The following FHOD3 variants were observed in gnomAD, a reference collection of about 807,000 sequenced individuals.
FHOD3 encodes FH1/FH2 domain-containing protein 3.
In FHOD3, 90 loss-of-function variants were observed where a neutral mutation model predicts 173.0. That is an observed-to-expected ratio of 0.52 (90% CI 0.44 to 0.62). FHOD3 has a LOEUF of 0.62. Among genes scored for constraint, FHOD3 ranks in the 20% least tolerant of loss-of-function variants. The probability of loss-of-function intolerance (pLI) is 0.00; values close to 1 mark genes in which losing one functional copy is unlikely to be tolerated. For synonymous variants in FHOD3, 828 were observed against 823.0 expected (o/e 1.01, Z -0.10); for missense variants, 1,945 against 2,034.7 (o/e 0.96, Z 0.85).
chr18:36,325,496 A>T (rs971383747), intron 1 of FHOD3, among the ~76,000 whole-genome samples: 1 of 152,188 alleles, frequency 6.6e-6, no homozygotes, highest in Non-Finnish European at 1.5e-5. Flanking sequence ...GAGTGCAGCG[A>T]GTGCTTTAGC....
intron 3 of FHOD3, among the ~76,000 whole-genome samples, chr18:36,464,932 GAC>G (rs545970619): frequency 5.3e-5 from 8 of 151,248 alleles, no homozygotes; most frequent in East Asian, 1.9e-4. Context: ...CTTTTTCTGT[GAC>G]ACACACACAC....
intron 24 of FHOD3, among the ~76,000 whole-genome samples, chr18:36,749,311 T>A (rs2042300896): frequency 1.3e-5 from 2 of 152,210 alleles, no homozygotes; most frequent in Admixed American, 6.5e-5. Context: ...GATAGTTATC[T>A]TTTCTGCTCC....
intron 5 of FHOD3, among the ~76,000 whole-genome samples, chr18:36,556,035 GACTAATGATATGGTTAGGTTTAA>G (rs1486666540): frequency 6.6e-6 from 1 of 151,918 alleles, no homozygotes; most frequent in Non-Finnish European, 1.5e-5. Flanking sequence ...TATTTATTGT[GACTAATGATATGGTTAGGTTTAA>G]ACCTGTCATT....
chr18:36,695,363 A>T (rs2039222099), intron 17 of FHOD3, among the ~76,000 whole-genome samples: 1 of 152,050 alleles, frequency 6.6e-6, no homozygotes, highest in South Asian at 2.1e-4. Context: ...TAAAAAAAAA[A>T]AAAAAGAATA....
intron 4 of FHOD3, among the ~76,000 whole-genome samples, chr18:36,508,101 G>A (rs1362934407): frequency 6.6e-6 from 1 of 152,170 alleles, no homozygotes; most frequent in Non-Finnish European, 1.5e-5. Context: ...CATATTGGTG[G>A]TGATAGTGTT....
chr18:36,659,999 G>A (rs1055692518), intron 14 of FHOD3, among the ~76,000 whole-genome samples: 5 of 152,092 alleles, frequency 3.3e-5, no homozygotes, highest in South Asian at 2.1e-4. Flanking sequence ...GCCTGGGCGC[G>A]GTGGCTCACA....
chr18:36,548,661 C>T (rs2057512943), intron 5 of FHOD3, among the ~76,000 whole-genome samples: 1 of 152,170 alleles, frequency 6.6e-6, no homozygotes, highest in Non-Finnish European at 1.5e-5. Flanking sequence ...GTATTTTCTA[C>T]AATTGTGTAT....
chr18:36,434,965 C>A (rs924653621), intron 3 of FHOD3, among the ~76,000 whole-genome samples: 11 of 151,882 alleles, frequency 7.2e-5, no homozygotes, highest in Admixed American at 2.6e-4. Context: ...TGTATGTAAT[C>A]ACATCATATG....
chr18:36,479,034 TAAC>T (rs2053739809), intron 3 of FHOD3, among the ~76,000 whole-genome samples: 1 of 152,192 alleles, frequency 6.6e-6, no homozygotes, highest in Non-Finnish European at 1.5e-5. Context: ...CAAGTGCAAA[TAAC>T]AAGCATGCCA....
At chr18:36,598,829 G>A (rs1013210574) in intron 7 of FHOD3, among the ~76,000 whole-genome samples, 4 of 152,312 alleles carry the variant, frequency 2.6e-5, no homozygotes, top group Middle Eastern at 3.4e-3. Flanking sequence ...GATTACAGGC[G>A]TGAGCCACCG....
intron 20 of FHOD3, among the ~76,000 whole-genome samples, chr18:36,736,264 T>A (rs1284660548): frequency 6.6e-6 from 1 of 152,262 alleles, no homozygotes; most frequent in Non-Finnish European, 1.5e-5. Context: ...ATGTGTACAG[T>A]GTGCACTGTT....
intron 1 of FHOD3, among the ~76,000 whole-genome samples, chr18:36,343,258 A>G (rs1364441102): frequency 6.6e-6 from 1 of 152,244 alleles, no homozygotes; most frequent in Non-Finnish European, 1.5e-5. Context: ...AACAATCCAA[A>G]TGTCCATCAA....
chr18:36,379,391 A>T (rs938236655), intron 3 of FHOD3, among the ~76,000 whole-genome samples: 2 of 152,120 alleles, frequency 1.3e-5, no homozygotes, highest in African/African-American at 4.8e-5. Flanking sequence ...ACTTTAATTA[A>T]ATTATTTATT....
chr18:36,601,776 C>A (rs1486353718), intron 7 of FHOD3, among the ~76,000 whole-genome samples: 1 of 152,194 alleles, frequency 6.6e-6, no homozygotes, highest in Non-Finnish European at 1.5e-5. Context: ...CAAGGCAATT[C>A]TTATTTCACT....
At chr18:36,305,971 G>A (rs1436637750) in intron 1 of FHOD3, among the ~76,000 whole-genome samples, 1 of 152,208 alleles carries the variant, frequency 6.6e-6, no homozygotes, top group Non-Finnish European at 1.5e-5. Flanking sequence ...GTTGAGACAA[G>A]TCGTTGATAG....
rs1189875241 is a variant in FHOD3 at position 36,779,719 on chromosome 18, C to CTGCACA, written c.*191_*196dup. 2 of 583,590 alleles carry CTGCACA rather than the reference C, an allele frequency of 3.4e-6. No individual in the cohort carries two copies. Among genetic ancestry groups the CTGCACA allele is most frequent in the Non-Finnish European group, 6.1e-6 (2 of 328,246 alleles). 36.2% of individuals were successfully genotyped at this position (583,590 alleles called of 1,614,324 possible). ...ATTGACTTGGATCTCCAGGAGTCCC[C>CTGCACA]TGCACATACCTTCTCCATCGTGTCA... On this transcript the variant is annotated 3_prime_UTR_variant, in exon 29 of 29. Transcript: ENST00000590592.
Position 36,653,757 on chromosome 18 carries a change from C to A in FHOD3, c.1721+341C>A, listed in dbSNP as rs113625557. Among the ~76,000 whole-genome samples the A allele has an allele frequency of 5.5e-4, 84 of 152,166 alleles. 1 individual carries two copies. Among genetic ancestry groups the A allele is most frequent in the African/African-American group, 1.9e-3 (77 of 41,504 alleles). On this transcript the variant is annotated intron_variant, in intron 13 of 28. Transcript: ENST00000590592. ...TGGCATATTTTGAACAATCAGTCGT[C>A]CAAAAATCAATAGTTGATCATTCTA...
At chr18:36,331,854 C>A (rs2045030521) in intron 1 of FHOD3, among the ~76,000 whole-genome samples, 1 of 152,074 alleles carries the variant, frequency 6.6e-6, no homozygotes, top group Non-Finnish European at 1.5e-5. Flanking sequence ...ATAGGAGGAC[C>A]ATGGGAGACA....
chr18:36,686,259 A>C (rs891960960), intron 15 of FHOD3, among the ~76,000 whole-genome samples: 3 of 152,074 alleles, frequency 2.0e-5, no homozygotes, highest in Non-Finnish European at 1.5e-5. Flanking sequence ...TACACCATGG[A>C]ATACTATGTA....
Sources: allele counts gnomAD v4.1 joint callset (sites outside exome capture counted in the v4.1 genomes callset), GRCh38; gene constraint gnomAD v4.1.1; transcripts MANE v1.5; gene names NCBI Gene and HGNC (gene_info 2026-07-23, HGNC 2026-07-21).